ST7L: variants seen among roughly 807,000 people sequenced by gnomAD.
ST7L encodes the protein suppressor of tumorigenicity 7 protein-like.
In ST7L, 57 loss-of-function variants were observed where a neutral mutation model predicts 72.5. The observed-to-expected ratio is 0.79, with a 90% CI of 0.64 to 0.98. ST7L has a LOEUF of 0.98. Among genes scored for constraint, ST7L ranks in the 50% least tolerant of loss-of-function variants. ST7L has a pLI of 0.00. For synonymous variants in ST7L, 221 were observed against 240.9 expected (o/e 0.92, Z 0.77); for missense variants, 576 against 672.2 (o/e 0.86, Z 1.58).
intron 1 of ST7L, 187 bp downstream of exon 1, chr1:112,618,722 G>C: frequency 7.8e-7 from 1 of 1,276,888 alleles, no homozygotes. Flanking sequence ...CGGAGGAGCC[G>C]GTAACGGCAG....
intron 2 of ST7L, among the ~76,000 whole-genome samples, chr1:112,612,573 C>T (rs901683984): frequency 2.6e-5 from 4 of 151,996 alleles, no homozygotes; most frequent in Non-Finnish European, 5.9e-5. Context: ...GACTACATGC[C>T]ACAACGTTTA....
At chr1:112,537,816 C>G (rs531856582) in intron 14 of ST7L, among the ~76,000 whole-genome samples, 1 of 152,262 alleles carries the variant, frequency 6.6e-6, no homozygotes, top group East Asian at 1.9e-4. Flanking sequence ...GGAGAAAAAT[C>G]AGGGGAAAAA....
Position 112,542,084 on chromosome 1 carries a change from T to G in ST7L, c.1496A>C (p.His499Pro). The change falls in exon 14 of 15, where the codon CAT becomes CCT. Residue 499 changes from histidine to proline, a missense_variant. Physicochemically the swap from His to Pro is moderately conservative, Grantham distance 77. This residue lies in a region of ST7L where 511 missense variants were observed against 600.7 expected (regional missense o/e 0.85). Transcript: ENST00000358039. ...CTTTTTTGGGTAAACAGAAACATGA[T>G]GAAAGGCTGCAATGGAGAATAGGTA... Reference protein sequence around the residue: ...TADRELLPTFHHVSVYPKKEL... With the variant: ...TADRELLPTFPHVSVYPKKEL... 6.2e-7 allele frequency: 1 copy of G among 1,608,846 alleles called. No individual in the cohort carries two copies. Among genetic ancestry groups the G allele is most frequent in the Non-Finnish European group, 8.5e-7 (1 of 1,177,972 alleles).
rs200511063 is a variant in ST7L at position 112,610,825 on chromosome 1, T to C, written c.451+16A>G. 786 of 1,612,588 alleles carry C rather than the reference T, an allele frequency of 4.9e-4. No homozygotes were observed. The highest frequency in any genetic ancestry group is 1.5e-3 in the Middle Eastern group (9 of 6,044). On this transcript the variant is annotated intron_variant, in intron 3 of 14. Transcript: ENST00000358039. ...TTAAATACACAGCTCTGAAAACACA[T>C]TAGAAAAGTAGTCACCTGACAAATT...
chr1:112,591,260 G>C (rs1665680129), intron 6 of ST7L, among the ~76,000 whole-genome samples: 1 of 152,030 alleles, frequency 6.6e-6, no homozygotes, highest in East Asian at 1.9e-4. Context: ...TAACTATAAA[G>C]TATTATCACC....
intron 11 of ST7L, among the ~76,000 whole-genome samples, chr1:112,573,131 C>T (rs1489213857): frequency 6.6e-6 from 1 of 151,884 alleles, no homozygotes; most frequent in African/African-American, 2.4e-5. Flanking sequence ...GGCTGATCAT[C>T]TGAGGTTGGG....
At chr1:112,590,930 T>C (rs990558275) in intron 6 of ST7L, among the ~76,000 whole-genome samples, 1 of 118,116 alleles carries the variant, frequency 8.5e-6, no homozygotes, top group Admixed American at 8.1e-5. Flanking sequence ...TTTAGTACCC[T>C]TTTTTTTTTT....
upstream of ST7L, chr1:112,619,522 C>T (rs117684232): frequency 8.7e-5 from 46 of 527,278 alleles, 1 homozygote; most frequent in East Asian, 8.7e-4. Flanking sequence ...GTAGGAGTAG[C>T]AACAGCTATT....
chr1:112,550,713 T>A lies in ST7L; in HGVS notation c.1397-20A>T, dbSNP rs747620272. On this transcript the variant is annotated intron_variant, in intron 12 of 14. Transcript: ENST00000358039. ...TAAAAGCTGAGGAAAAAAAAGCATG[T>A]GTTGATACTCAATTCTGTCTCATTT... 5 of 1,577,996 alleles carry A rather than the reference T, an allele frequency of 3.2e-6. No homozygotes were observed. Among genetic ancestry groups the A allele is most frequent in the Non-Finnish European group, 4.3e-6 (5 of 1,149,452 alleles).
intron 11 of ST7L, among the ~76,000 whole-genome samples, chr1:112,568,869 T>TAA (rs1557993771): frequency 1.1e-5 from 1 of 91,902 alleles, no homozygotes; most frequent in African/African-American, 3.4e-5. Context: ...TAAATATATA[T>TAA]ATATATATAT....
At chr1:112,552,330 T>A (rs751189813) in intron 12 of ST7L, among the ~76,000 whole-genome samples, 1 of 152,168 alleles carries the variant, frequency 6.6e-6, no homozygotes, top group Non-Finnish European at 1.5e-5. Flanking sequence ...GCTGTAGTCA[T>A]CAAAATTGCG....
chr1:112,598,100 CA>C lies in ST7L; in HGVS notation c.507-15del. 1 of 1,581,250 alleles carries C rather than the reference CA, an allele frequency of 6.3e-7. No individual in the cohort carries two copies. The highest frequency in any genetic ancestry group is 1.1e-5 in the South Asian group (1 of 88,420). Reference sequence around the variant, plus strand: ...ACCCAAGTGTATCTTTACCAAAACACAACAAAATATTTAAATTGAACATGAG... The same window carrying C: ...ACCCAAGTGTATCTTTACCAAAACACACAAAATATTTAAATTGAACATGAG... On this transcript the variant is annotated splice_polypyrimidine_tract_variant and intron_variant, in intron 4 of 14. Transcript: ENST00000358039.
At chr1:112,540,935 G>T in intron 14 of ST7L, 1 of 994,074 alleles carries the variant, frequency 1.0e-6, no homozygotes, top group Non-Finnish European at 1.4e-6. Flanking sequence ...AGACTTAAAG[G>T]CAATTATCTT....
At chr1:112,619,300 G>T (rs1203930892), upstream of ST7L, 3 of 624,154 alleles carry the variant, frequency 4.8e-6, no homozygotes, top group African/African-American at 3.7e-5. Flanking sequence ...GTTCTTTCGT[G>T]GGGCAGGGAA....
intron 13 of ST7L, among the ~76,000 whole-genome samples, chr1:112,548,875 T>C (rs1362792276): frequency 6.6e-6 from 1 of 152,228 alleles, no homozygotes; most frequent in African/African-American, 2.4e-5. Flanking sequence ...CCAGCAATCA[T>C]AATCCTACAT....
intron 6 of ST7L, 115 bp from the exon 7 acceptor site, chr1:112,584,241 G>GAA (rs908913732): frequency 8.0e-4 from 662 of 831,966 alleles, no homozygotes; most frequent in South Asian, 1.5e-3. Context: ...TCCATCTTTA[G>GAA]AAAAAAAAAA....
At chr1:112,539,357 T>C (rs1015047347) in intron 14 of ST7L, 1 of 152,248 alleles carries the variant, frequency 6.6e-6, no homozygotes, top group Admixed American at 6.5e-5. Flanking sequence ...ACACATTGTG[T>C]TTATAAGCTG....
chr1:112,560,732 C>T (rs533007561), intron 11 of ST7L, among the ~76,000 whole-genome samples: 24 of 152,148 alleles, frequency 1.6e-4, no homozygotes, highest in Non-Finnish European at 2.9e-4. Context: ...GAGGCTGAGA[C>T]GGGCAGATCA....
At chr1:112,600,938 C>T in intron 3 of ST7L, 90 bp from the exon 4 acceptor site, 1 of 1,097,834 alleles carries the variant, frequency 9.1e-7, no homozygotes, top group Non-Finnish European at 1.3e-6. Context: ...GTAGGCTAAT[C>T]ACAGTGCTAG....
Sources: gnomAD v4.1 joint callset for allele counts (sites outside exome capture counted in the v4.1 genomes callset) on GRCh38, gnomAD v4.1.1 for gene constraint, gnomAD v4.1.1 regional missense constraint, MANE v1.5 for transcripts, NCBI Gene and HGNC (gene_info 2026-07-23, HGNC 2026-07-21) for gene names.